The following CEP250 variants were observed in gnomAD, a reference collection of about 807,000 sequenced individuals.
CEP250 encodes centrosomal protein 250.
A neutral mutation model predicts 315.7 loss-of-function variants in CEP250; 242 were observed. That is an observed-to-expected ratio of 0.77 (90% CI 0.69 to 0.85). The LOEUF (loss-of-function observed/expected upper bound fraction) is 0.85. Ranked by LOEUF, CEP250 falls within the 40% of genes least tolerant of loss-of-function variation. The pLI is 0.00. For missense variants in CEP250, 2,515 were observed against 2,886.4 expected (o/e 0.87, Z 2.95); for synonymous variants, 1,088 against 1,175.0 (o/e 0.93, Z 1.51).
chr20:35,459,626 GAA>G (rs58153317), intron 2 of CEP250, among the ~76,000 whole-genome samples: 26,133 of 137,122 alleles, frequency 0.19, 2,429 homozygotes, highest in South Asian at 0.31. Flanking sequence ...CTCTACCAAA[GAA>G]AAAAAAAAAA....
rs1282294084 is a variant in CEP250 at position 35,493,663 on chromosome 20, C to T, written c.3033+91C>T. 5 of 1,277,504 alleles carry T rather than the reference C, an allele frequency of 3.9e-6. No homozygotes were observed. The African/African-American group carries it at 6.2e-5, about 16-fold the overall frequency. 79.1% of individuals were successfully genotyped at this position (1,277,504 alleles called of 1,614,324 possible). A position where few individuals can be genotyped will look rare whatever the true frequency, so the allele number is the denominator to read the frequency against. On this transcript the variant is annotated intron_variant, in intron 23 of 34. Coordinates refer to ENST00000397527, the MANE Select transcript of CEP250 (RefSeq NM_007186.6). The stretch of plus-strand genomic sequence containing the variant: ...TCTTGCAGGACAGGGAGAACCTTGG[C>T]CCTGCTGCCTGGTTTGGGAGGGTAG...
rs1440468885 is a variant in CEP250, at chr20:35,503,322, GGATCTC to G, written c.4956_4961del (p.Asp1652_Leu1653del). 2 of 1,614,072 alleles carry G rather than the reference GGATCTC, an allele frequency of 1.2e-6. No individual in the cohort carries two copies. The highest frequency in any genetic ancestry group is 1.7e-6 in the Non-Finnish European group (2 of 1,180,032). On this transcript the variant is annotated inframe_deletion, in exon 30 of 35. Coordinates refer to ENST00000397527, the MANE Select transcript of CEP250 (RefSeq NM_007186.6). The surrounding 1 kb of genome is among the most constrained non-coding windows in gnomAD (Gnocchi z 4.2). The stretch of plus-strand genomic sequence containing the variant: ...AGAGGCAGAAAGAGCATCTGACTCA[GGATCTC>G]GAGAGGAGAGACCAGGAGCTGATGC...
At position 35,479,215 on chromosome 20, in the gene CEP250, A is replaced by T. The variant is rs752300239; in HGVS notation, c.2095-16A>T. 6.2e-7 allele frequency: 1 copy of T among 1,611,002 alleles called. No homozygotes were observed. The highest frequency in any genetic ancestry group is 1.3e-5 in the African/African-American group (1 of 74,890). ...TCCAGCCTCTGCTCCATCTCTCACC[A>T]CATTCTTCCCCTCAGTCACGTCACC... On this transcript the variant is annotated splice_polypyrimidine_tract_variant and intron_variant, in intron 17 of 34. Transcript: ENST00000397527.
rs774206252 is a variant in CEP250, at chr20:35,475,526, A to G, written c.1596A>G (p.Glu532=). 22 of 1,614,016 alleles carry G rather than the reference A, an allele frequency of 1.4e-5. No individual in the cohort carries two copies. The highest frequency in any genetic ancestry group is 1.6e-4 in the Middle Eastern group (1 of 6,078). Residue 532 remains glutamate (E), a synonymous_variant, in exon 15 of 35, where the codon GAA becomes GAG. Transcript: ENST00000397527. ...ERLQEMLMGL[E]AKQSESLSEL... is the part of the protein sequence containing the mutation. ...GTCAGGAGATGCTGATGGGCCTGGA[A>G]GCCAAACAGTCAGAATCACTCAGTG...
In CEP250 at chr20:35,512,137, C is replaced by G; in HGVS notation, c.*511C>G. 1.4e-6 allele frequency: 1 copy of G among 697,220 alleles called. No individual in the cohort carries two copies. The highest frequency in any genetic ancestry group is 1.8e-6 in the Non-Finnish European group (1 of 565,424). 43.2% of individuals were successfully genotyped at this position (697,220 alleles called of 1,614,324 possible). A position where few individuals can be genotyped will look rare whatever the true frequency, so the allele number is the denominator to read the frequency against. Reference sequence around the variant, plus strand: ...TACAGAGAACACACAAGACAAAGCCCCTGTCCACAGACAGCCTACAGTCCA... The same window carrying G: ...TACAGAGAACACACAAGACAAAGCCGCTGTCCACAGACAGCCTACAGTCCA... On this transcript the variant is annotated 3_prime_UTR_variant, in exon 35 of 35. Coordinates refer to ENST00000397527, the MANE Select transcript of CEP250 (RefSeq NM_007186.6).
intron 20 of CEP250, among the ~76,000 whole-genome samples, chr20:35,485,645 CTTTTTTT>C (rs782622070): frequency 8.9e-5 from 3 of 33,786 alleles, no homozygotes; most frequent in African/African-American, 2.4e-4. Flanking sequence ...GTCTGCCTGG[CTTTTTTT>C]TTTTTTTTTT....
chr20:35,474,480 A>G (rs990293758), intron 14 of CEP250, among the ~76,000 whole-genome samples: 1 of 152,204 alleles, frequency 6.6e-6, no homozygotes, highest in Non-Finnish European at 1.5e-5. Flanking sequence ...GCCTTTACCT[A>G]TTTGGTTAGC....
intron 22 of CEP250, 120 bp downstream of exon 22, chr20:35,491,466 A>C: frequency 1.8e-6 from 2 of 1,105,536 alleles, no homozygotes; most frequent in Non-Finnish European, 2.6e-6. Flanking sequence ...ACATATGACA[A>C]GTACATAAAG....
intron 27 of CEP250, 127 bp from the exon 28 acceptor site, chr20:35,499,922 G>A (rs563548681): frequency 1.0e-5 from 12 of 1,181,298 alleles, no homozygotes; most frequent in Admixed American, 4.0e-5. Context: ...GAAGTAACCC[G>A]GCAATCTGGG....
In CEP250 at chr20:35,516,998, A is replaced by G. The variant is rs1601338885; in HGVS notation, c.*5372A>G. The G allele has an allele frequency of 1.1e-5, 11 of 985,572 alleles. No homozygotes were observed. Among genetic ancestry groups the G allele is most frequent in the Non-Finnish European group, 1.2e-5 (10 of 830,012 alleles). The allele number at this position is 985,572 out of a possible 1,614,324, so 61.1% of individuals were successfully genotyped here. ...GTCCCACAGGGCAGAGCACATGGCA[A>G]GTGGCATGCTGACTCAGACACCGGG... On this transcript the variant is annotated 3_prime_UTR_variant, in exon 35 of 35. Transcript: ENST00000397527.
chr20:35,494,961 TAACTC>T (rs1272163842), intron 24 of CEP250, among the ~76,000 whole-genome samples: 2 of 14,916 alleles, frequency 1.3e-4, no homozygotes, highest in Non-Finnish European at 4.3e-4. Flanking sequence ...AATCAAATAA[TAACTC>T]AAATTATTAC....
intron 5 of CEP250, among the ~76,000 whole-genome samples, chr20:35,463,850 A>G (rs117314229): frequency 6.6e-6 from 1 of 152,324 alleles, no homozygotes; most frequent in Non-Finnish European, 1.5e-5. Context: ...AATGTAAATT[A>G]GATTGGAAGG....
At position 35,519,134 on chromosome 20, in the gene CEP250, T is replaced by C. The variant is rs1272096365; in HGVS notation, c.*7508T>C. ...CTGTTCAGATGACAGAGGGAGAAAA[T>C]GTACTTTGTAAACTGTTAGTTCAAT... is the stretch of plus-strand genomic sequence containing the variant. On this transcript the variant is annotated 3_prime_UTR_variant, in exon 35 of 35. Transcript: ENST00000397527. 6.6e-6 allele frequency: 1 copy of C among 151,830 alleles called. No homozygotes were observed. Among genetic ancestry groups the C allele is most frequent in the East Asian group, 1.9e-4 (1 of 5,182 alleles). The allele number at this position is 151,830 out of a possible 1,614,324, so 9.4% of individuals were successfully genotyped here. A position where few individuals can be genotyped will look rare whatever the true frequency, so the allele number is the denominator to read the frequency against.
chr20:35,470,268 C>T (rs965494606), intron 10 of CEP250: 28 of 472,046 alleles, frequency 5.9e-5, no homozygotes, highest in Non-Finnish European at 1.0e-4. Flanking sequence ...CATTCAGAGA[C>T]ACATTGGCAA....
In CEP250 at chr20:35,500,085, C is replaced by T. The variant is rs150723097; in HGVS notation, c.3814C>T (p.Arg1272Cys). Residue 1272 changes from arginine to cysteine, a missense_variant, in exon 28 of 35, where the codon CGT becomes TGT. By Grantham distance (180) the Arg-to-Cys change is radical. Coordinates refer to ENST00000397527, the MANE Select transcript of CEP250 (RefSeq NM_007186.6). ...LRDQVQKLEE[R>C]LTDTEAEKSQ... ...GGATCAGGTCCAGAAACTGGAAGAGCGTCTAACTGATACTGAGGCTGAGAA... is the reference window on the plus strand; with the variant it reads ...GGATCAGGTCCAGAAACTGGAAGAGTGTCTAACTGATACTGAGGCTGAGAA... 21 of 1,613,904 alleles carry T rather than the reference C, an allele frequency of 1.3e-5. No homozygotes were observed. The African/African-American group carries it at 1.7e-4, about 13-fold the overall frequency.
At chr20:35,509,872 C>T in intron 33 of CEP250, 126 bp from the exon 34 acceptor site, 1 of 830,738 alleles carries the variant, frequency 1.2e-6, no homozygotes, top group South Asian at 1.4e-5. Flanking sequence ...AGTCTGAGTT[C>T]AGATGCTTCT....
chr20:35,461,503 T>C (rs1458612246), intron 3 of CEP250, among the ~76,000 whole-genome samples: 1 of 152,218 alleles, frequency 6.6e-6, no homozygotes, highest in Non-Finnish European at 1.5e-5. Flanking sequence ...GCCCAGCTCC[T>C]GGTGGGTGAG....
chr20:35,491,498 G>A (rs1336190859), intron 22 of CEP250, 152 bp downstream of exon 22: 7 of 894,946 alleles, frequency 7.8e-6, no homozygotes, highest in Admixed American at 2.5e-5. Context: ...GCTGGGCAGG[G>A]TAGATCACGC....
chr20:35,465,964 C>T, intron 6 of CEP250, 75 bp from the exon 7 acceptor site: 1 of 1,570,872 alleles, frequency 6.4e-7, no homozygotes, highest in Non-Finnish European at 8.7e-7. Context: ...CAGTGGTTGC[C>T]ATCTTACTCC....
Sources: allele counts gnomAD v4.1 joint callset (sites outside exome capture counted in the v4.1 genomes callset), GRCh38; gene constraint gnomAD v4.1.1; non-coding constraint Gnocchi (gnomAD v3.1); transcripts MANE v1.5; gene names NCBI Gene and HGNC (gene_info 2026-07-23, HGNC 2026-07-21).